Variants in LRRC4C observed in about 807,000 individuals in gnomAD.
The protein encoded by LRRC4C is leucine rich repeat containing 4C, also known as leucine-rich repeat-containing protein 4C.
Under a neutral mutation model 33.6 loss-of-function variants are expected in LRRC4C, and 5 were observed. The ratio of observed to expected loss-of-function variants is 0.15; its 90% CI spans 0.08 to 0.31. The LOEUF is 0.31. Ranked by LOEUF, LRRC4C falls within the 10% of genes least tolerant of loss-of-function variation. The pLI is 1.00. For synonymous variants in LRRC4C, 329 were observed against 302.0 expected (o/e 1.09, Z -0.93); for missense variants, 560 against 796.7 (o/e 0.70, Z 3.58).
intron 6 of LRRC4C, among the ~76,000 whole-genome samples, chr11:40,123,982 C>T (rs1002598202): frequency 6.6e-6 from 1 of 151,982 alleles, no homozygotes; most frequent in Admixed American, 6.6e-5. Context: ...AGAACATACA[C>T]TGGAGAAAGG....
chr11:40,703,995 T>A (rs142536153), intron 2 of LRRC4C, among the ~76,000 whole-genome samples: 93 of 152,294 alleles, frequency 6.1e-4, no homozygotes, highest in African/African-American at 2.1e-3. Flanking sequence ...TTCACTAGTT[T>A]TGCATTCTCA....
chr11:40,290,797 A>G (rs1008228594), intron 4 of LRRC4C, among the ~76,000 whole-genome samples: 10 of 152,036 alleles, frequency 6.6e-5, no homozygotes, highest in Non-Finnish European at 1.3e-4. Context: ...GAGAGGGAGG[A>G]AGGGAAGAGA....
At chr11:41,163,343 G>A (rs929667985) in intron 1 of LRRC4C, among the ~76,000 whole-genome samples, 6 of 126,950 alleles carry the variant, frequency 4.7e-5, no homozygotes, top group Non-Finnish European at 9.5e-5. Context: ...GAGTGCAGTG[G>A]CGCAATCTCT....
chr11:40,390,851 C>CTCTTT (rs1011237194), intron 3 of LRRC4C, among the ~76,000 whole-genome samples: 3 of 151,906 alleles, frequency 2.0e-5, no homozygotes, highest in African/African-American at 7.2e-5. Flanking sequence ...TGGAAATAAT[C>CTCTTT]TCTTTTCTTT....
chr11:40,581,778 C>T (rs1958478140), intron 3 of LRRC4C, among the ~76,000 whole-genome samples: 2 of 152,120 alleles, frequency 1.3e-5, no homozygotes, highest in African/African-American at 2.4e-5. Flanking sequence ...TGGCACCCAC[C>T]TGTAATCCCA....
intron 5 of LRRC4C, among the ~76,000 whole-genome samples, chr11:40,227,500 G>A (rs970468383): frequency 6.6e-6 from 1 of 152,144 alleles, no homozygotes. Context: ...GGTTCAAAAA[G>A]TCATAGAGCT....
intron 1 of LRRC4C, among the ~76,000 whole-genome samples, chr11:41,201,201 G>A (rs1444551127): frequency 6.6e-6 from 1 of 152,158 alleles, no homozygotes; most frequent in East Asian, 1.9e-4. Flanking sequence ...GTAAATACCT[G>A]TAAAACAAAG....
chr11:40,892,680 C>A (rs1252496729), intron 2 of LRRC4C, among the ~76,000 whole-genome samples: 4 of 152,044 alleles, frequency 2.6e-5, no homozygotes, highest in Admixed American at 2.6e-4. Context: ...GTGAAATAAT[C>A]CAGACACAGA....
At chr11:40,280,105 C>T (rs1392795010) in intron 4 of LRRC4C, among the ~76,000 whole-genome samples, 1 of 152,170 alleles carries the variant, frequency 6.6e-6, no homozygotes, top group South Asian at 2.1e-4. Context: ...CCACTGGCTG[C>T]CTGAAATCCA....
intron 3 of LRRC4C, among the ~76,000 whole-genome samples, chr11:40,496,092 A>T (rs1368060717): frequency 3.3e-5 from 5 of 151,986 alleles, no homozygotes. Flanking sequence ...TGGCATCCCA[A>T]GTGCTAGGAT....
intron 4 of LRRC4C, among the ~76,000 whole-genome samples, chr11:40,286,391 C>A (rs368166701): frequency 6.6e-6 from 1 of 151,944 alleles, no homozygotes; most frequent in South Asian, 2.1e-4. Context: ...TTCCTAAGTG[C>A]AGAAAGCTCT....
intron 6 of LRRC4C, among the ~76,000 whole-genome samples, chr11:40,132,454 G>A (rs935940387): frequency 2.6e-5 from 4 of 152,106 alleles, no homozygotes; most frequent in African/African-American, 9.7e-5. Context: ...TATGAATCAG[G>A]ATGCAGAATG....
At chr11:40,769,469 G>GA (rs1376829328) in intron 2 of LRRC4C, among the ~76,000 whole-genome samples, 1 of 151,830 alleles carries the variant, frequency 6.6e-6, no homozygotes, top group Non-Finnish European at 1.5e-5. Context: ...CAGAGAAATA[G>GA]AAAAAAAGAA....
intron 3 of LRRC4C, among the ~76,000 whole-genome samples, chr11:40,465,435 G>T (rs776179335): frequency 6.6e-6 from 1 of 151,792 alleles, no homozygotes; most frequent in Non-Finnish European, 1.5e-5. Context: ...AAAAGCAAAT[G>T]CAACAAAACC....
At chr11:40,797,479 G>T in intron 2 of LRRC4C, among the ~76,000 whole-genome samples, 1 of 152,086 alleles carries the variant, frequency 6.6e-6, no homozygotes, top group Non-Finnish European at 1.5e-5. Context: ...TACAGAATAC[G>T]AGAGTCTTAA....
At chr11:40,840,858 T>C (rs1249029921) in intron 2 of LRRC4C, among the ~76,000 whole-genome samples, 1 of 152,232 alleles carries the variant, frequency 6.6e-6, no homozygotes, top group Non-Finnish European at 1.5e-5. Flanking sequence ...TTCAACATTA[T>C]ATGCTCTGGG....
intron 1 of LRRC4C, among the ~76,000 whole-genome samples, chr11:40,992,107 A>G (rs1451315387): frequency 2.0e-5 from 3 of 152,192 alleles, no homozygotes; most frequent in Non-Finnish European, 4.4e-5. Flanking sequence ...CAATTAACCG[A>G]AAAGGCAATT....
At chr11:40,636,540 G>C (rs972723905) in intron 3 of LRRC4C, among the ~76,000 whole-genome samples, 2 of 152,150 alleles carry the variant, frequency 1.3e-5, no homozygotes, top group Admixed American at 1.3e-4. Context: ...GCTCAGGATA[G>C]AGAAATGGCA....
intron 5 of LRRC4C, among the ~76,000 whole-genome samples, chr11:40,180,951 C>G (rs931481882): frequency 1.2e-4 from 18 of 152,128 alleles, no homozygotes; most frequent in African/African-American, 4.3e-4. Context: ...CTGATAATCA[C>G]CACAAACAGC....
Sources: gnomAD v4.1 joint callset for allele counts (sites outside exome capture counted in the v4.1 genomes callset) on GRCh38, gnomAD v4.1.1 for gene constraint, MANE v1.5 for transcripts, NCBI Gene and HGNC (gene_info 2026-07-23, HGNC 2026-07-21) for gene names.